The following ARHGEF1 variants were observed in gnomAD, a reference collection of about 807,000 sequenced individuals.
ARHGEF1 encodes Rho guanine nucleotide exchange factor 1.
ARHGEF1 carries 40 observed loss-of-function variants against 119.7 expected under a neutral mutation model. That is an observed-to-expected ratio of 0.33 (90% CI 0.26 to 0.44). The LOEUF is 0.44. Among genes scored for constraint, ARHGEF1 ranks in the 20% least tolerant of loss-of-function variants. The pLI is 1.00. For missense variants in ARHGEF1, 976 were observed against 1,268.3 expected, an observed-to-expected ratio of 0.77 and a Z score of 3.50; for synonymous variants, 494 against 521.0, an observed-to-expected ratio of 0.95 and a Z score of 0.71.
chr19:41,925,456 TAGTGAGAGAC>T (rs1489561254), intron 1 of ARHGEF1, among the ~76,000 whole-genome samples: 3 of 151,888 alleles, frequency 2.0e-5, no homozygotes, highest in Non-Finnish European at 2.9e-5. Context: ...ATGTTGTGTA[TAGTGAGAGAC>T]AGTGAGAGAC....
chr19:41,891,295 A>G (rs2074372633), intron 4 of ARHGEF1, among the ~76,000 whole-genome samples: 1 of 151,986 alleles, frequency 6.6e-6, no homozygotes, highest in African/African-American at 2.4e-5. Flanking sequence ...TTATTTATTT[A>G]TTTATGAAAC....
At chr19:41,910,108 G>C (rs1318531376), downstream of ARHGEF1, 1 of 1,608,448 alleles carries the variant, frequency 6.2e-7, no homozygotes, top group Non-Finnish European at 8.5e-7. The surrounding 1 kb of genome is among the most constrained non-coding windows in gnomAD (Gnocchi z 4.4). Context: ...CTGGGGACGG[G>C]AGGCAGGGAG....
intron 12 of ARHGEF1, among the ~76,000 whole-genome samples, chr19:41,895,878 T>C (rs1267186882): frequency 6.6e-6 from 1 of 152,164 alleles, no homozygotes; most frequent in Non-Finnish European, 1.5e-5. Context: ...CTTACACTGC[T>C]GTGGCCTCAG....
chr19:41,916,036 T>C lies in ARHGEF1; in HGVS notation c.1866-7056T>C, dbSNP rs2074799443. Among the ~76,000 whole-genome samples, 1 of 142,450 alleles carries C rather than the reference T, an allele frequency of 7.0e-6. No homozygotes were observed. The highest frequency in any genetic ancestry group is 7.2e-5 in the Admixed American group (1 of 13,970). The allele number at this position is 142,450 out of a possible 152,430, so 93.5% of individuals were successfully genotyped here. A position where few individuals can be genotyped will look rare whatever the true frequency, so the allele number is the denominator to read the frequency against. ...CTCCACCCCCCCTTCGCCCCCCATC[T>C]CTACCGCCCGCAGCCATGGCACCGA... On this transcript the variant is annotated intron_variant, in intron 18 of 20. Transcript: ENST00000599589. This position sits in a 1 kb window ranked among gnomAD's most constrained non-coding sequence, Gnocchi z 5.4.
chr19:41,904,879 C>A lies in ARHGEF1; in HGVS notation c.2162-70C>A. 3 of 1,359,748 alleles carry A rather than the reference C, an allele frequency of 2.2e-6. No individual in the cohort carries two copies. The highest frequency in any genetic ancestry group is 2.3e-5 in the East Asian group (1 of 43,636). The allele number at this position is 1,359,748 out of a possible 1,614,324, so 84.2% of individuals were successfully genotyped here. A position where few individuals can be genotyped will look rare whatever the true frequency, so the allele number is the denominator to read the frequency against. On this transcript the variant is annotated intron_variant, in intron 22 of 28. Coordinates refer to ENST00000354532, the MANE Select transcript of ARHGEF1 (RefSeq NM_004706.4). The surrounding 1 kb of genome is among the most constrained non-coding windows in gnomAD (Gnocchi z 8.4). Reference sequence around the variant, plus strand: ...CCACCACTGTGGGTGACTTCTCCAGCTTGTGCTTAGGGAGGGGCAGGCACT... The same window carrying A: ...CCACCACTGTGGGTGACTTCTCCAGATTGTGCTTAGGGAGGGGCAGGCACT...
intron 14 of ARHGEF1, among the ~76,000 whole-genome samples, chr19:41,900,111 A>C (rs2074575634): frequency 6.6e-6 from 1 of 152,150 alleles, no homozygotes; most frequent in Non-Finnish European, 1.5e-5. Context: ...AGGTGGGCAG[A>C]TCACTTGAGG....
At chr19:41,886,865 C>A (rs1234599981) in intron 1 of ARHGEF1, among the ~76,000 whole-genome samples, 1 of 152,208 alleles carries the variant, frequency 6.6e-6, no homozygotes, top group Admixed American at 6.5e-5. Context: ...AGCCCCGCCG[C>A]TGGTCCACCC....
Position 41,894,196 on chromosome 19 carries a change from C to G in ARHGEF1, c.645-11C>G. ...TGTGTGTGTTGAGCCCTCACTGTCC[C>G]TTCCCTACAGTGCTGCCGTGGTCAA... On this transcript the variant is annotated splice_polypyrimidine_tract_variant and intron_variant, in intron 8 of 28. Coordinates refer to ENST00000354532, the MANE Select transcript of ARHGEF1 (RefSeq NM_004706.4). 2.0e-6 allele frequency: 3 copies of G among 1,508,632 alleles called. No homozygotes were observed. The South Asian group carries it at 4.0e-5, about 20-fold the overall frequency. 93.5% of individuals were successfully genotyped at this position (1,508,632 alleles called of 1,614,324 possible). A position where few individuals can be genotyped will look rare whatever the true frequency, so the allele number is the denominator to read the frequency against.
At position 41,888,775 on chromosome 19, in the gene ARHGEF1, G is replaced by A. The variant is rs1568809064; in HGVS notation, c.135G>A (p.Gln45=). Residue 45 remains glutamine, a synonymous_variant, in exon 4 of 29, where the codon CAG becomes CAA. Coordinates refer to ENST00000354532, the MANE Select transcript of ARHGEF1 (RefSeq NM_004706.4). The surrounding 1 kb of genome is among the most constrained non-coding windows in gnomAD (Gnocchi z 5.1). ...AGAACTCAGAAGAGCAAAACAGCCA[G>A]TTCCAGAGCCTGGAGCAGGTGAAGC... ...LETNSEEQNS[Q]FQSLEQVKRR... 1 of 1,614,216 alleles carries A rather than the reference G, an allele frequency of 6.2e-7. No individual in the cohort carries two copies. Among genetic ancestry groups the A allele is most frequent in the South Asian group, 1.1e-5 (1 of 91,088 alleles).
upstream of ARHGEF1, among the ~76,000 whole-genome samples, chr19:41,920,101 TACACTCACAGACATGAC>T (rs2074830947): frequency 1.9e-5 from 2 of 106,554 alleles, no homozygotes; most frequent in African/African-American, 7.7e-5. Context: ...CTCACAGACA[TACACTCACAGACATGAC>T]ACGCTCACAC....
chr19:41,905,223 C>G lies in ARHGEF1; in HGVS notation c.2298C>G (p.Ala766=), dbSNP rs541125162. 53 of 1,614,002 alleles carry G rather than the reference C, an allele frequency of 3.3e-5. 1 individual carries two copies. The South Asian group carries it at 5.7e-4, about 17-fold the overall frequency. The change falls in exon 24 of 29, where the codon GCC becomes GCG. Residue 766 remains alanine (A), a synonymous_variant. Transcript: ENST00000354532. This position sits in a 1 kb window ranked among gnomAD's most constrained non-coding sequence, Gnocchi z 6.4. The part of the protein sequence containing the change: ...TETAGSLKVP[A]PASRPKPRPS... Reference sequence around the variant, plus strand: ...CTGCCGGATCCCTGAAAGTCCCTGCCCCTGCCTCTCGCCCTAAGCCCCGGC... The same window carrying G: ...CTGCCGGATCCCTGAAAGTCCCTGCGCCTGCCTCTCGCCCTAAGCCCCGGC...
At chr19:41,911,390 A>G (rs1331544160), downstream of ARHGEF1, among the ~76,000 whole-genome samples, 1 of 152,234 alleles carries the variant, frequency 6.6e-6, no homozygotes, top group Non-Finnish European at 1.5e-5. Context: ...GCAGTGCAGG[A>G]GAGAGGAGAC....
At chr19:41,920,126 C>A (rs2074831428), upstream of ARHGEF1, among the ~76,000 whole-genome samples, 1 of 108,278 alleles carries the variant, frequency 9.2e-6, no homozygotes, top group African/African-American at 3.8e-5. Flanking sequence ...GACACGCTCA[C>A]ACATGCGCTC....
chr19:41,894,135 A>AGTGAGTGTGTGTGT (rs2074433805), intron 8 of ARHGEF1, 72 bp from the exon 9 acceptor site: 1 of 442,016 alleles, frequency 2.3e-6, no homozygotes, highest in African/African-American at 2.4e-5. Flanking sequence ...TGTGTGTGTG[A>AGTGAGTGTGTGTGT]GTGTGTGTGT....
intron 18 of ARHGEF1, among the ~76,000 whole-genome samples, chr19:41,915,272 T>TC (rs1410075151): frequency 6.7e-6 from 1 of 150,036 alleles, no homozygotes; most frequent in East Asian, 2.0e-4. Context: ...GCTCCCACGC[T>TC]CCCCCCGCCG....
Position 41,895,261 on chromosome 19 carries a change from C to G in ARHGEF1, c.878-88C>G, listed in dbSNP as rs2074463295. The stretch of plus-strand genomic sequence containing the variant: ...GCTCCTTGTCATGGTGGGGAAGGGC[C>G]TGAGCACAGCCTCTTGCATCCCCTG... On this transcript the variant is annotated intron_variant, in intron 11 of 28. Coordinates refer to ENST00000354532, the MANE Select transcript of ARHGEF1 (RefSeq NM_004706.4). The G allele has an allele frequency of 7.3e-6, 11 of 1,503,860 alleles. 1 individual carries two copies. The South Asian group carries it at 1.1e-4, about 15-fold the overall frequency. 93.2% of individuals were successfully genotyped at this position (1,503,860 alleles called of 1,614,324 possible).
chr19:41,911,708 A>G (rs1216118637), downstream of ARHGEF1, among the ~76,000 whole-genome samples: 1 of 152,038 alleles, frequency 6.6e-6, no homozygotes, highest in Admixed American at 6.5e-5. Flanking sequence ...AACACATCCT[A>G]CTGGGGAGGC....
chr19:41,894,374 G>A, intron 9 of ARHGEF1, 68 bp downstream of exon 9: 2 of 1,516,168 alleles, frequency 1.3e-6, no homozygotes, highest in Non-Finnish European at 1.8e-6. Context: ...TCATGACTCT[G>A]GATACCTAGC....
chr19:41,926,968 G>A (rs2145914420), intron 1 of ARHGEF1, among the ~76,000 whole-genome samples: 1 of 152,102 alleles, frequency 6.6e-6, no homozygotes, highest in Admixed American at 6.5e-5. Flanking sequence ...GATAGAAAGA[G>A]ATGCCGAGAA....
Sources: allele counts gnomAD v4.1 joint callset (sites outside exome capture counted in the v4.1 genomes callset), GRCh38; gene constraint gnomAD v4.1.1; non-coding constraint Gnocchi (gnomAD v3.1); transcripts MANE v1.5; gene names NCBI Gene and HGNC (gene_info 2026-07-23, HGNC 2026-07-21).